KCNAB2: variants seen among roughly 807,000 people sequenced by gnomAD.
KCNAB2 encodes voltage-gated potassium channel subunit beta-2.
Under a neutral mutation model 63.6 loss-of-function variants are expected in KCNAB2, and 29 were observed. That is an observed-to-expected ratio of 0.46 (90% CI 0.34 to 0.62). The LOEUF (loss-of-function observed/expected upper bound fraction) is 0.62, where lower values mean the gene tolerates loss of function less well. Ranked by LOEUF, KCNAB2 falls within the 20% of genes least tolerant of loss-of-function variation. The pLI is 0.01. For missense variants in KCNAB2, 359 were observed against 563.9 expected, an observed-to-expected ratio of 0.64 and a Z score of 3.68; for synonymous variants, 222 against 224.2, an observed-to-expected ratio of 0.99 and a Z score of 0.09.
chr1:6,083,040 C>G (rs1253101702), intron 5 of KCNAB2, among the ~76,000 whole-genome samples: 1 of 152,152 alleles, frequency 6.6e-6, no homozygotes, highest in Non-Finnish European at 1.5e-5. Flanking sequence ...GGGCCCTGCT[C>G]AAGTTCCCAC....
intron 1 of KCNAB2, among the ~76,000 whole-genome samples, chr1:5,997,244 C>T (rs1449195023): frequency 1.3e-5 from 2 of 152,198 alleles, no homozygotes; most frequent in Non-Finnish European, 2.9e-5. Context: ...CCTGGCTTTC[C>T]TTCTGCGTGG....
At position 6,096,839 on chromosome 1, in the gene KCNAB2, T is replaced by G; in HGVS notation, c.1069+83T>G. 2.1e-6 allele frequency: 3 copies of G among 1,437,926 alleles called. No individual in the cohort carries two copies. In the South Asian group the frequency reaches 4.2e-5, roughly 20 times the overall value. 89.1% of individuals were successfully genotyped at this position (1,437,926 alleles called of 1,614,324 possible). On this transcript the variant is annotated intron_variant, in intron 14 of 15. Coordinates refer to ENST00000378083, the MANE Select transcript of KCNAB2 (RefSeq NM_001199862.2). This position sits in a 1 kb window ranked among gnomAD's most constrained non-coding sequence, Gnocchi z 5.9. ...CGTAGGTAACAGGGTGGGGTTGCCA[T>G]GGGGCCAGTGTCTCCGGGGAGAGAG... is the stretch of plus-strand genomic sequence containing the variant.
chr1:6,082,694 C>T (rs764066903), intron 5 of KCNAB2, among the ~76,000 whole-genome samples: 1 of 152,192 alleles, frequency 6.6e-6, no homozygotes, highest in South Asian at 2.1e-4. Context: ...CCCATCTTGG[C>T]GGTGAACTTT....
In KCNAB2 at chr1:6,096,043, C is replaced by T; in HGVS notation, c.948+419C>T. ...AGAGGCGCCCCTCCCCACCACACAA[C>T]CTCTGAGTGGGGACTCAGGAGGGTC... On this transcript the variant is annotated intron_variant, in intron 13 of 15. Transcript: ENST00000378083. This position sits in a 1 kb window ranked among gnomAD's most constrained non-coding sequence, Gnocchi z 5.9. 8.7e-6 allele frequency: 4 copies of T among 460,146 alleles called. No individual in the cohort carries two copies. The highest frequency in any genetic ancestry group is 1.7e-5 in the Non-Finnish European group (4 of 229,742). The allele number at this position is 460,146 out of a possible 1,614,324, so 28.5% of individuals were successfully genotyped here. A position where few individuals can be genotyped will look rare whatever the true frequency, so the allele number is the denominator to read the frequency against.
rs149344746 is a variant in KCNAB2, at chr1:6,035,256, G to A, written c.-53+462G>A. 1.4e-3 allele frequency among the ~76,000 whole-genome samples: 211 copies of A among 152,302 alleles called. No individual in the cohort carries two copies. Among genetic ancestry groups the A allele is most frequent in the Middle Eastern group, 6.8e-3 (2 of 294 alleles). On this transcript the variant is annotated intron_variant, in intron 1 of 15. Coordinates refer to the KCNAB2 transcript ENST00000164247. This position sits in a 1 kb window ranked among gnomAD's most constrained non-coding sequence, Gnocchi z 5.0. Reference sequence around the variant, plus strand: ...CCAGTGTGTGAGGGGCTCAGCGGGGGATGTGGCTAGAAAGGTTGTGGACCC... The same window carrying A: ...CCAGTGTGTGAGGGGCTCAGCGGGGAATGTGGCTAGAAAGGTTGTGGACCC...
intron 1 of KCNAB2, among the ~76,000 whole-genome samples, chr1:6,021,252 G>T (rs1227030523): frequency 6.6e-6 from 1 of 152,034 alleles, no homozygotes; most frequent in Non-Finnish European, 1.5e-5. Flanking sequence ...CCCACCACGG[G>T]CTCCCAAAGT....
intron 1 of KCNAB2, among the ~76,000 whole-genome samples, chr1:5,999,889 CCT>C (rs947910759): frequency 3.3e-5 from 5 of 151,652 alleles, no homozygotes; most frequent in South Asian, 4.2e-4. Context: ...CTCTCCGCAC[CCT>C]GTCTGTGTCG....
intron 4 of KCNAB2, among the ~76,000 whole-genome samples, chr1:6,081,019 A>G (rs1664163718): frequency 6.6e-6 from 1 of 152,182 alleles, no homozygotes; most frequent in Non-Finnish European, 1.5e-5. Context: ...GAGAGCCAGA[A>G]GCTCAGGGGC....
At chr1:6,016,953 G>A (rs891920404) in intron 1 of KCNAB2, among the ~76,000 whole-genome samples, 1 of 152,176 alleles carries the variant, frequency 6.6e-6, no homozygotes, top group Admixed American at 6.5e-5. Flanking sequence ...GGTCTCACAA[G>A]AGGAAAACCC....
chr1:6,007,639 T>TAAAAAA (rs1274012084), intron 1 of KCNAB2: 1 of 152,370 alleles, frequency 6.6e-6, no homozygotes, highest in Non-Finnish European at 1.5e-5. Context: ...TTGGCTCACT[T>TAAAAAA]AAAATTTCAA....
Position 6,100,084 on chromosome 1 carries a change from G to A in KCNAB2, c.*1510G>A, listed in dbSNP as rs888925104. On this transcript the variant is annotated 3_prime_UTR_variant, in exon 16 of 16. Transcript: ENST00000378083. The stretch of plus-strand genomic sequence containing the variant: ...CCTCAGTGCAGGCACCTCTGTTCCC[G>A]CTTTGCCCCTGGAGGAGCCACTATT... 1.5e-5 allele frequency: 22 copies of A among 1,454,816 alleles called. No homozygotes were observed. In the Admixed American group the frequency reaches 1.9e-4, roughly 13 times the overall value. 90.1% of individuals were successfully genotyped at this position (1,454,816 alleles called of 1,614,324 possible).
Position 6,073,953 on chromosome 1 carries a change from C to T in KCNAB2, c.300+183C>T. 6 of 628,616 alleles carry T rather than the reference C, an allele frequency of 9.5e-6. No homozygotes were observed. The South Asian group carries it at 1.1e-4, about 12-fold the overall frequency. The allele number at this position is 628,616 out of a possible 1,614,324, so 38.9% of individuals were successfully genotyped here. ...AGAGTAGAAAGGTGAGCCAGGTGGC[C>T]ATGGCCAGAGGGGATGCCGAGTCTG... On this transcript the variant is annotated intron_variant, in intron 4 of 15. Transcript: ENST00000378083. The surrounding 1 kb of genome is among the most constrained non-coding windows in gnomAD (Gnocchi z 5.7).
upstream of KCNAB2, among the ~76,000 whole-genome samples, chr1:6,031,349 C>G (rs1034954661): frequency 6.6e-6 from 1 of 152,188 alleles, no homozygotes; most frequent in African/African-American, 2.4e-5. This position sits in a 1 kb window ranked among gnomAD's most constrained non-coding sequence, Gnocchi z 4.1. Flanking sequence ...CCCAAAGCTC[C>G]TACTCAGACC....
At chr1:6,093,782 A>G (rs1233561303) in intron 10 of KCNAB2, among the ~76,000 whole-genome samples, 1 of 152,032 alleles carries the variant, frequency 6.6e-6, no homozygotes, top group Non-Finnish European at 1.5e-5. Context: ...AAGGCTTTCC[A>G]CGCCCACTTC....
chr1:6,041,923 C>A (rs574163196), upstream of KCNAB2: 5 of 1,553,044 alleles, frequency 3.2e-6, no homozygotes, highest in South Asian at 3.3e-5. Flanking sequence ...GGCCAGGGAG[C>A]GGGTGGGAGG....
chr1:6,094,462 C>T lies in KCNAB2; in HGVS notation c.709C>T (p.Arg237Cys), dbSNP rs1665450055. The stretch of plus-strand genomic sequence containing the variant: ...GATGGCCATGTACTGGGGCACGTCA[C>T]GCTGGAGCTCCATGGAGATCATGGT... ...QGMAMYWGTS[R>C]WSSMEIMEAY... The change falls in exon 11 of 16, where the codon CGC becomes TGC. Residue 237 changes from arginine (R) to cysteine (C), a missense_variant. Coordinates refer to ENST00000378083, the MANE Select transcript of KCNAB2 (RefSeq NM_001199862.2). The T allele has an allele frequency of 1.2e-6, 2 of 1,611,536 alleles. No homozygotes were observed. The highest frequency in any genetic ancestry group is 1.7e-6 in the Non-Finnish European group (2 of 1,179,366).
intron 4 of KCNAB2, 131 bp from the exon 5 acceptor site, chr1:6,082,064 C>A: frequency 1.4e-6 from 1 of 715,242 alleles, no homozygotes; most frequent in Non-Finnish European, 2.5e-6. Context: ...AGACAGCCCA[C>A]AGGGGAGCCT....
upstream of KCNAB2, chr1:6,041,417 C>A (rs1205257201): frequency 9.5e-6 from 2 of 210,574 alleles, no homozygotes; most frequent in Non-Finnish European, 9.7e-6. Flanking sequence ...AAGAGCCAGG[C>A]GGGCAGGTGC....
chr1:6,030,787 T>G (rs1025495622), upstream of KCNAB2, among the ~76,000 whole-genome samples: 17 of 117,324 alleles, frequency 1.4e-4, no homozygotes, highest in South Asian at 2.7e-4. Flanking sequence ...TGTGTGTGTA[T>G]GTGTGTAGGT....
Sources: allele counts gnomAD v4.1 joint callset (sites outside exome capture counted in the v4.1 genomes callset), GRCh38; gene constraint gnomAD v4.1.1; non-coding constraint Gnocchi (gnomAD v3.1); transcripts MANE v1.5; gene names NCBI Gene and HGNC (gene_info 2026-07-23, HGNC 2026-07-21).